Variants in CCKBR observed in about 807,000 individuals in gnomAD.
CCKBR encodes cholecystokinin B receptor.
Under a neutral mutation model 34.6 loss-of-function variants are expected in CCKBR, and 33 were observed. That is an observed-to-expected ratio of 0.95 (90% CI 0.72 to 1.27). The LOEUF is 1.27. CCKBR is among the 50% of genes most tolerant of loss of function. The pLI is 0.00. For missense variants in CCKBR, 652 were observed against 617.4 expected (o/e 1.06, Z -0.59); for synonymous variants, 269 against 267.5 (o/e 1.01, Z -0.06).
At chr11:6,265,765 A>T (rs551424526) in intron 1 of CCKBR, among the ~76,000 whole-genome samples, 1 of 152,344 alleles carries the variant, frequency 6.6e-6, no homozygotes, top group East Asian at 1.9e-4. Context: ...TCTAAAGGAA[A>T]TATAGATGGT....
rs750768325 is a variant in CCKBR at position 6,270,741 on chromosome 11, G to C, written c.749G>C (p.Arg250Pro). Residue 250 changes from arginine (R) to proline (P), a missense_variant, in exon 4 of 5, where the codon CGC (arginine) becomes CCC (proline). Physicochemically the swap from Arg to Pro is moderately radical, Grantham distance 103. Coordinates refer to ENST00000334619, the MANE Select transcript of CCKBR (RefSeq NM_176875.4). Reference protein sequence around the residue: ...LISRELYLGLRFDGDSDSDSQ... With the variant: ...LISRELYLGLPFDGDSDSDSQ... ...TCTCGCGAGCTCTACTTAGGGCTTC[G>C]CTTTGACGGCGACAGTGACAGCGAC... 6.2e-7 allele frequency: 1 copy of C among 1,614,178 alleles called. No homozygotes were observed. The highest frequency in any genetic ancestry group is 1.1e-5 in the South Asian group (1 of 91,084).
rs749830885 is a variant in CCKBR at position 6,271,405 on chromosome 11, G to T, written c.1206G>T (p.Leu402=). 4 of 1,613,984 alleles carry T rather than the reference G, an allele frequency of 2.5e-6. No homozygotes were observed. The highest frequency in any genetic ancestry group is 3.4e-6 in the Non-Finnish European group (4 of 1,180,032). Residue 402 remains leucine (L), a synonymous_variant, in exon 5 of 5, where the codon CTG becomes CTT. Coordinates refer to ENST00000334619, the MANE Select transcript of CCKBR (RefSeq NM_176875.4). ...ACCGTCGCTTTCGCCAGGCCTGCCT[G>T]GAAACTTGCGCTCGCTGCTGCCCCC... is the stretch of plus-strand genomic sequence containing the variant. The part of the protein sequence containing the change: ...FMHRRFRQAC[L]ETCARCCPRP...
rs781403685 is a variant in CCKBR at position 6,259,901 on chromosome 11, G to C, written c.-28G>C. 6 of 1,421,994 alleles carry C rather than the reference G, an allele frequency of 4.2e-6. No individual in the cohort carries two copies. The highest frequency in any genetic ancestry group is 9.2e-7 in the Non-Finnish European group (1 of 1,091,314). The allele number at this position is 1,421,994 out of a possible 1,614,324, so 88.1% of individuals were successfully genotyped here. ...CGTTGGGAGCCCGCCGGGTCGAGCTGAGTAAGGCGGCGGGCTCGGCGGGGG... is the reference window on the plus strand; with the variant it reads ...CGTTGGGAGCCCGCCGGGTCGAGCTCAGTAAGGCGGCGGGCTCGGCGGGGG... On this transcript the variant is annotated 5_prime_UTR_variant, in exon 1 of 5. Coordinates refer to ENST00000334619, the MANE Select transcript of CCKBR (RefSeq NM_176875.4).
At chr11:6,269,391 T>C (rs1028915422) in intron 1 of CCKBR, among the ~76,000 whole-genome samples, 6 of 152,050 alleles carry the variant, frequency 3.9e-5, no homozygotes, top group Admixed American at 6.5e-5. Flanking sequence ...GACACAAATA[T>C]CCTCTTAAGA....
intron 1 of CCKBR, among the ~76,000 whole-genome samples, chr11:6,266,042 A>T (rs1848204745): frequency 6.6e-6 from 1 of 152,172 alleles, no homozygotes; most frequent in Non-Finnish European, 1.5e-5. Context: ...CTAGGGATAT[A>T]CTGGAGAGCG....
chr11:6,263,503 T>C (rs1248497649), intron 1 of CCKBR, among the ~76,000 whole-genome samples: 2 of 150,228 alleles, frequency 1.3e-5, no homozygotes, highest in Admixed American at 6.7e-5. Flanking sequence ...GCAGTCTCCC[T>C]CTGTTGCCCA....
At chr11:6,264,615 T>C (rs1302725458) in intron 1 of CCKBR, 1 of 691,592 alleles carries the variant, frequency 1.4e-6, no homozygotes. Context: ...TCAAGGCACT[T>C]GTGGATGTAC....
intron 1 of CCKBR, among the ~76,000 whole-genome samples, chr11:6,262,939 G>C (rs986718066): frequency 6.6e-6 from 1 of 152,178 alleles, no homozygotes; most frequent in African/African-American, 2.4e-5. Flanking sequence ...GTGAAAGCGG[G>C]ATGTGACGCA....
rs544323198 is a variant in CCKBR at position 6,271,148 on chromosome 11, G to A, written c.949G>A (p.Gly317Ser). 1.9e-6 allele frequency: 3 copies of A among 1,613,876 alleles called. No individual in the cohort carries two copies. Among genetic ancestry groups the A allele is most frequent in the Non-Finnish European group, 2.5e-6 (3 of 1,179,966 alleles). The change falls in exon 5 of 5, where the codon GGC (glycine) becomes AGC (serine). Residue 317 changes from glycine to serine, a missense_variant. Transcript: ENST00000334619. ...GCTGACGGCTCCTGGGCCGGGATCC[G>A]GCTCCCGGCCCACCCAGGCCAAGCT... ...TALTAPGPGS[G>S]SRPTQAKLLA...
At chr11:6,260,229 C>A (rs1848109813) in intron 1 of CCKBR, 150 bp downstream of exon 1, 2 of 567,768 alleles carry the variant, frequency 3.5e-6, no homozygotes, top group East Asian at 6.8e-5. Context: ...CAGCTCCCCT[C>A]ACACCTTCAC....
Position 6,271,428 on chromosome 11 carries a change from C to G in CCKBR, c.1229C>G (p.Pro410Arg), listed in dbSNP as rs769534576. The change falls in exon 5 of 5, where the codon CCC (proline) becomes CGC (arginine). Residue 410 changes from proline (P) to arginine (R), a missense_variant. Physicochemically the swap from Pro to Arg is moderately radical, Grantham distance 103. Coordinates refer to ENST00000334619, the MANE Select transcript of CCKBR (RefSeq NM_176875.4). ...CTGGAAACTTGCGCTCGCTGCTGCC[C>G]CCGGCCTCCACGAGCTCGCCCCAGG... ...ACLETCARCCPRPPRARPRAL... is the reference protein window; with the variant it reads ...ACLETCARCCRRPPRARPRAL... 8 of 1,613,622 alleles carry G rather than the reference C, an allele frequency of 5.0e-6. No individual in the cohort carries two copies. Among genetic ancestry groups the G allele is most frequent in the South Asian group, 1.1e-5 (1 of 91,092 alleles).
At chr11:6,269,988 G>T (rs541507223) in intron 2 of CCKBR, 68 bp downstream of exon 2, 4 of 1,598,664 alleles carry the variant, frequency 2.5e-6, no homozygotes, top group African/African-American at 1.3e-5. Context: ...GGATGTAGGG[G>T]TCTTCCCCGG....
chr11:6,267,508 T>C (rs567651017), intron 1 of CCKBR, among the ~76,000 whole-genome samples: 1 of 152,320 alleles, frequency 6.6e-6, no homozygotes, highest in Non-Finnish European at 1.5e-5. Context: ...TCATCTCCTA[T>C]AATAACGGTG....
chr11:6,270,381 CT>C lies in CCKBR; in HGVS notation c.653+45del, dbSNP rs754068587. 5 of 1,582,148 alleles carry C rather than the reference CT, an allele frequency of 3.2e-6. No individual in the cohort carries two copies. In the Admixed American group the frequency reaches 8.5e-5, roughly 27 times the overall value. Reference sequence around the variant, plus strand: ...TATCCTAGGAATTCCTTTCTCACCCCTATTAGATGCTTACGACCATTGCCCA... The same window carrying C: ...TATCCTAGGAATTCCTTTCTCACCCCATTAGATGCTTACGACCATTGCCCA... On this transcript the variant is annotated intron_variant, in intron 3 of 4. Transcript: ENST00000334619.
chr11:6,267,992 G>A lies in CCKBR; in HGVS notation c.152-1677G>A, dbSNP rs1375890387. Among the ~76,000 whole-genome samples the A allele has an allele frequency of 4.6e-5, 7 of 152,140 alleles. No individual in the cohort carries two copies. The East Asian group carries it at 5.8e-4, about 13-fold the overall frequency. On this transcript the variant is annotated intron_variant, in intron 1 of 4. Transcript: ENST00000334619. ...CCTGAGTAGCTATGACTATAGGCAC[G>A]TATCACCACACCCAGCTAATTTTTT...
At position 6,269,913 on chromosome 11, in the gene CCKBR, C is replaced by T; in HGVS notation, c.396C>T (p.Tyr132=). Residue 132 remains tyrosine, a synonymous_variant, in exon 2 of 5, where the codon TAC becomes TAT. Transcript: ENST00000334619. ...FGTVICKAVS[Y]LMGVSVSVST... ...CCGTCATCTGCAAGGCGGTTTCCTA[C>T]CTCATGGGTGGGTGAGACAACCACC... is the stretch of plus-strand genomic sequence containing the variant. 1 of 1,613,902 alleles carries T rather than the reference C, an allele frequency of 6.2e-7. No homozygotes were observed. Among genetic ancestry groups the T allele is most frequent in the Non-Finnish European group, 8.5e-7 (1 of 1,179,850 alleles).
rs117282730 is a variant in CCKBR at position 6,268,539 on chromosome 11, C to A, written c.152-1130C>A. On this transcript the variant is annotated intron_variant, in intron 1 of 4. Transcript: ENST00000334619. ...CCTCTGCCTCACACAGGTGTCCCTC[C>A]TATGAGCTCCAACAGCACCTTATAC... 5.0e-4 allele frequency among the ~76,000 whole-genome samples: 76 copies of A among 152,328 alleles called. 1 individual carries two copies. The East Asian group carries it at 0.014, about 29-fold the overall frequency.
intron 1 of CCKBR, among the ~76,000 whole-genome samples, chr11:6,262,890 G>A (rs1848158091): frequency 6.6e-6 from 1 of 152,128 alleles, no homozygotes; most frequent in Non-Finnish European, 1.5e-5. Flanking sequence ...GATTGAAGGT[G>A]CAGATAAGAA....
chr11:6,264,464 C>T lies in CCKBR; in HGVS notation c.151+4385C>T, dbSNP rs922130996. On this transcript the variant is annotated intron_variant, in intron 1 of 4. Coordinates refer to ENST00000334619, the MANE Select transcript of CCKBR (RefSeq NM_176875.4). ...GATTTTTGCACTCATACTTCTCTGC[C>T]ATTATCTAGACAGAACAAATACAGA... 6.1e-6 allele frequency: 4 copies of T among 658,130 alleles called. No individual in the cohort carries two copies. In the African/African-American group the frequency reaches 7.2e-5, roughly 12 times the overall value. 40.8% of individuals were successfully genotyped at this position (658,130 alleles called of 1,614,324 possible). A position where few individuals can be genotyped will look rare whatever the true frequency, so the allele number is the denominator to read the frequency against.
Sources: allele counts gnomAD v4.1 joint callset (sites outside exome capture counted in the v4.1 genomes callset), GRCh38; gene constraint gnomAD v4.1.1; transcripts MANE v1.5; gene names NCBI Gene and HGNC (gene_info 2026-07-23, HGNC 2026-07-21).